XRCC4: variants seen among roughly 807,000 people sequenced by gnomAD.
XRCC4 encodes DNA repair protein XRCC4.
XRCC4 carries 28 observed loss-of-function variants against 39.1 expected under a neutral mutation model. The observed-to-expected ratio is 0.72, with a 90% CI of 0.53 to 0.98. The LOEUF (loss-of-function observed/expected upper bound fraction) is 0.98. Ranked by LOEUF, XRCC4 falls within the 50% of genes least tolerant of loss-of-function variation. The pLI, the probability that XRCC4 is intolerant of heterozygous loss-of-function variation, is 0.00. For missense variants in XRCC4, 350 were observed against 376.4 expected (o/e 0.93, Z 0.58); for synonymous variants, 123 against 126.4 (o/e 0.97, Z 0.18).
At chr5:83,314,829 T>C (rs1399910413) in intron 7 of XRCC4, among the ~76,000 whole-genome samples, 1 of 152,108 alleles carries the variant, frequency 6.6e-6, no homozygotes, top group Non-Finnish European at 1.5e-5. Flanking sequence ...TGTCTGCTCA[T>C]GTCCCTCCCT....
chr5:83,208,193 A>G (rs1319089467), intron 6 of XRCC4, among the ~76,000 whole-genome samples: 1 of 152,064 alleles, frequency 6.6e-6, no homozygotes, highest in Non-Finnish European at 1.5e-5. Flanking sequence ...AGTAATACGA[A>G]GATGAATATG....
At chr5:83,310,274 A>C (rs1755659696) in intron 7 of XRCC4, among the ~76,000 whole-genome samples, 1 of 152,172 alleles carries the variant, frequency 6.6e-6, no homozygotes, top group African/African-American at 2.4e-5. Flanking sequence ...CATTCAACTA[A>C]GAGGAGCAAG....
chr5:83,366,164 A>G, the XRCC4 span, among the ~76,000 whole-genome samples: 1 of 152,166 alleles, frequency 6.6e-6, no homozygotes, highest in African/African-American at 2.4e-5. Flanking sequence ...ATAATTCTAG[A>G]CTTCAAATAT....
chr5:83,219,825 G>T (rs372112578), intron 6 of XRCC4, among the ~76,000 whole-genome samples: 2 of 152,102 alleles, frequency 1.3e-5, no homozygotes, highest in African/African-American at 2.4e-5. Flanking sequence ...AGTTAAACAC[G>T]TATTAATATC....
intron 3 of XRCC4, among the ~76,000 whole-genome samples, chr5:83,147,359 A>G (rs1196163415): frequency 6.6e-6 from 1 of 152,240 alleles, no homozygotes; most frequent in Non-Finnish European, 1.5e-5. Context: ...ACAAAATAGT[A>G]TACTATTCAG....
chr5:83,296,408 A>T (rs1177334063), intron 7 of XRCC4, among the ~76,000 whole-genome samples: 1 of 152,174 alleles, frequency 6.6e-6, no homozygotes, highest in East Asian at 1.9e-4. Flanking sequence ...CATACAAATG[A>T]ACAATACATT....
chr5:83,124,579 G>A (rs1412074290), intron 3 of XRCC4, among the ~76,000 whole-genome samples: 1 of 152,070 alleles, frequency 6.6e-6, no homozygotes, highest in Admixed American at 6.6e-5. Flanking sequence ...TTAGAAAGCT[G>A]CTTTGGACAT....
At chr5:83,117,631 ATGTGTG>A (rs70973379) in intron 3 of XRCC4, among the ~76,000 whole-genome samples, 9,608 of 145,752 alleles carry the variant, frequency 0.066, 321 homozygotes, top group African/African-American at 0.084. Flanking sequence ...CTACATATAT[ATGTGTG>A]TGTGTGTGTG....
At chr5:83,253,991 T>G (rs1753426313) in intron 6 of XRCC4, among the ~76,000 whole-genome samples, 1 of 152,022 alleles carries the variant, frequency 6.6e-6, no homozygotes, top group Non-Finnish European at 1.5e-5. Context: ...ATTTTCAAGA[T>G]GCAGTGAACC....
chr5:83,172,388 A>T (rs1457333291), intron 3 of XRCC4, among the ~76,000 whole-genome samples: 2 of 152,144 alleles, frequency 1.3e-5, no homozygotes, highest in African/African-American at 4.8e-5. Context: ...GGTCTTTTTG[A>T]GAATAATAGG....
intron 3 of XRCC4, among the ~76,000 whole-genome samples, chr5:83,179,668 A>G (rs1260542572): frequency 1.3e-5 from 2 of 152,132 alleles, no homozygotes; most frequent in African/African-American, 4.8e-5. Context: ...ACCAGTTTGC[A>G]TTATTCACAG....
At chr5:83,333,333 T>C (rs1488972701) in intron 7 of XRCC4, among the ~76,000 whole-genome samples, 1 of 152,214 alleles carries the variant, frequency 6.6e-6, no homozygotes, top group Admixed American at 6.5e-5. Context: ...TAAAATACTT[T>C]CAATGTGTGA....
At chr5:83,174,610 T>C (rs1044474960) in intron 3 of XRCC4, among the ~76,000 whole-genome samples, 4 of 152,178 alleles carry the variant, frequency 2.6e-5, no homozygotes, top group South Asian at 2.1e-4. Context: ...AACAATTCGC[T>C]GAAGTGGAAC....
At chr5:83,372,363 G>T in the XRCC4 span, among the ~76,000 whole-genome samples, 3 of 152,148 alleles carry the variant, frequency 2.0e-5, no homozygotes, top group Non-Finnish European at 1.5e-5. Flanking sequence ...TAAACAAAGT[G>T]GAGTGCAGAA....
intron 7 of XRCC4, among the ~76,000 whole-genome samples, chr5:83,302,563 G>A (rs1008890360): frequency 6.6e-6 from 1 of 152,150 alleles, no homozygotes; most frequent in African/African-American, 2.4e-5. Context: ...GGGTACCTCA[G>A]TTGGAAATGC....
intron 7 of XRCC4, among the ~76,000 whole-genome samples, chr5:83,325,858 G>T (rs1421240792): frequency 1.3e-5 from 2 of 151,978 alleles, no homozygotes; most frequent in Non-Finnish European, 2.9e-5. Flanking sequence ...GGTATTTCCG[G>T]TTCTAGGTCT....
At chr5:83,353,075 C>T in intron 7 of XRCC4, 56 bp from the exon 8 acceptor site, 5 of 1,383,334 alleles carry the variant, frequency 3.6e-6, no homozygotes, top group South Asian at 1.4e-5. Flanking sequence ...TTTTCTTTTA[C>T]TCTATAACAG....
intron 3 of XRCC4, among the ~76,000 whole-genome samples, chr5:83,129,203 G>A (rs945388434): frequency 2.1e-5 from 3 of 143,572 alleles, no homozygotes; most frequent in Admixed American, 6.9e-5. Context: ...TGGCTAGCCA[G>A]TTTTCCCAGC....
chr5:83,122,308 T>C (rs929489068), intron 3 of XRCC4, among the ~76,000 whole-genome samples: 1 of 152,106 alleles, frequency 6.6e-6, no homozygotes, highest in Non-Finnish European at 1.5e-5. Context: ...AATACATCCA[T>C]ATATTTAGGT....
Sources: gnomAD v4.1 joint callset for allele counts (sites outside exome capture counted in the v4.1 genomes callset) on GRCh38, gnomAD v4.1.1 for gene constraint, MANE v1.5 for transcripts, NCBI Gene and HGNC (gene_info 2026-07-23, HGNC 2026-07-21) for gene names.